TBX18: variants seen among roughly 807,000 people sequenced by gnomAD.
The protein encoded by TBX18 is T-box transcription factor 18, also known as T-box transcription factor TBX18.
In TBX18, 21 loss-of-function variants were observed where a neutral mutation model predicts 55.0. The observed-to-expected ratio is 0.38, with a 90% CI of 0.27 to 0.55. The LOEUF is 0.55. Among genes scored for constraint, TBX18 ranks in the 20% least tolerant of loss-of-function variants. The probability of loss-of-function intolerance (pLI) is 0.73; values close to 1 mark genes in which losing one functional copy is unlikely to be tolerated. For missense variants in TBX18, 840 were observed against 799.6 expected (o/e 1.05, Z -0.61); for synonymous variants, 342 against 326.1 (o/e 1.05, Z -0.53).
Position 84,756,821 on chromosome 6 carries a change from C to A in TBX18, c.648G>T (p.Ser216=), listed in dbSNP as rs769967225. 5 of 1,613,898 alleles carry A rather than the reference C, an allele frequency of 3.1e-6. No individual in the cohort carries two copies. The African/African-American group carries it at 6.7e-5, about 22-fold the overall frequency. The change falls in exon 4 of 8, where the codon TCG becomes TCT. Residue 216 remains serine, a synonymous_variant. Coordinates refer to ENST00000369663, the MANE Select transcript of TBX18 (RefSeq NM_001080508.3). ...SKWMVAGNAD[S]PVPPRVYIHP... ...GAATGTACACACGGGGTGGCACAGG[C>A]GAGTCAGCATTACCTGCCACCATCC...
Position 84,734,717 on chromosome 6 carries a change from G to A in TBX18, c.*1968C>T, listed in dbSNP as rs1773894146. 1 of 152,350 alleles carries A rather than the reference G, an allele frequency of 6.6e-6. No homozygotes were observed. The highest frequency in any genetic ancestry group is 2.1e-4 in the South Asian group (1 of 4,826). The allele number at this position is 152,350 out of a possible 1,614,324, so 9.4% of individuals were successfully genotyped here. The stretch of plus-strand genomic sequence containing the variant: ...GAAAATGCTCTTATTAATACATATG[G>A]GTATAGAGCATTACTTTCCATGTTT... On this transcript the variant is annotated 3_prime_UTR_variant, in exon 8 of 8. Coordinates refer to ENST00000369663, the MANE Select transcript of TBX18 (RefSeq NM_001080508.3).
intron 3 of TBX18, among the ~76,000 whole-genome samples, chr6:84,759,100 T>C (rs1244479638): frequency 6.6e-6 from 1 of 152,176 alleles, no homozygotes; most frequent in African/African-American, 2.4e-5. Flanking sequence ...TTAAATCAAG[T>C]ATATTTAAAA....
chr6:84,763,069 G>C (rs1385136962), intron 1 of TBX18: 1 of 458,026 alleles, frequency 2.2e-6, no homozygotes, highest in African/African-American at 2.0e-5. Flanking sequence ...TCACGCCGCC[G>C]CCGGGGTCTG....
chr6:84,756,312 C>T lies in TBX18; in HGVS notation c.771+386G>A, dbSNP rs1316709690. On this transcript the variant is annotated intron_variant, in intron 4 of 7. Transcript: ENST00000369663. ...AGACAATTACTGAGAAGCAATGAACCTCAGCTGACAAAGCTGGATGCAGGC... is the reference window on the plus strand; with the variant it reads ...AGACAATTACTGAGAAGCAATGAACTTCAGCTGACAAAGCTGGATGCAGGC... Among the ~76,000 whole-genome samples, 4 of 152,214 alleles carry T rather than the reference C, an allele frequency of 2.6e-5. No individual in the cohort carries two copies. The South Asian group carries it at 8.3e-4, about 31-fold the overall frequency.
intron 5 of TBX18, among the ~76,000 whole-genome samples, chr6:84,746,731 C>T (rs1767204862): frequency 1.3e-5 from 2 of 149,216 alleles, no homozygotes; most frequent in Admixed American, 1.4e-4. Flanking sequence ...TTCAGCAGCA[C>T]ATATACTAAA....
chr6:84,744,829 A>G (rs1767140976), intron 5 of TBX18, among the ~76,000 whole-genome samples: 1 of 152,050 alleles, frequency 6.6e-6, no homozygotes, highest in African/African-American at 2.4e-5. Context: ...ACATTCCTTT[A>G]ATTTTCTGTC....
At chr6:84,751,951 C>T in intron 4 of TBX18, among the ~76,000 whole-genome samples, 1 of 152,128 alleles carries the variant, frequency 6.6e-6, no homozygotes, top group East Asian at 1.9e-4. Context: ...ACCAGGAGAA[C>T]CACTGGTCGT....
At position 84,735,935 on chromosome 6, in the gene TBX18, A is replaced by G. The variant is rs985733032; in HGVS notation, c.*750T>C. On this transcript the variant is annotated 3_prime_UTR_variant, in exon 8 of 8. Transcript: ENST00000369663. Reference sequence around the variant, plus strand: ...CATTCTTTAATGGTCTATTTGATATATAAAATAAGCAAAAAATCGAAAATA... The same window carrying G: ...CATTCTTTAATGGTCTATTTGATATGTAAAATAAGCAAAAAATCGAAAATA... 1 of 152,142 alleles carries G rather than the reference A, an allele frequency of 6.6e-6. No individual in the cohort carries two copies. Among genetic ancestry groups the G allele is most frequent in the South Asian group, 2.1e-4 (1 of 4,834 alleles). 9.4% of individuals were successfully genotyped at this position (152,142 alleles called of 1,614,324 possible).
At chr6:84,745,532 T>C (rs757615473) in intron 5 of TBX18, among the ~76,000 whole-genome samples, 1 of 152,126 alleles carries the variant, frequency 6.6e-6, no homozygotes, top group Non-Finnish European at 1.5e-5. Flanking sequence ...GACATATGTG[T>C]TCCATATGAT....
At chr6:84,746,145 T>A (rs12526645) in intron 5 of TBX18, among the ~76,000 whole-genome samples, 37,261 of 151,970 alleles carry the variant, frequency 0.25, 5,320 homozygotes, top group Middle Eastern at 0.35. Context: ...TCACAACATG[T>A]ACCAAAAGCT....
In TBX18 at chr6:84,762,433, T is replaced by G. The variant is rs996727128; in HGVS notation, c.497+111A>C. 4.6e-6 allele frequency: 6 copies of G among 1,308,958 alleles called. No homozygotes were observed. In the African/African-American group the frequency reaches 8.7e-5, roughly 19 times the overall value. 81.1% of individuals were successfully genotyped at this position (1,308,958 alleles called of 1,614,324 possible). ...GGGCCTGGTCCCGTTTGACCGAAAA[T>G]GCTATCCAGAACCCCCACCGAGCTG... On this transcript the variant is annotated intron_variant, in intron 2 of 7. Coordinates refer to ENST00000369663, the MANE Select transcript of TBX18 (RefSeq NM_001080508.3).
rs567112656 is a variant in TBX18 at position 84,735,735 on chromosome 6, C to G, written c.*950G>C. The stretch of plus-strand genomic sequence containing the variant: ...GGAAAAAATATTCTAAATTTAAAAA[C>G]AAACTATACAAAAACATAAGGTATA... On this transcript the variant is annotated 3_prime_UTR_variant, in exon 8 of 8. Coordinates refer to ENST00000369663, the MANE Select transcript of TBX18 (RefSeq NM_001080508.3). The G allele has an allele frequency of 6.6e-6, 1 of 152,220 alleles. No individual in the cohort carries two copies. The highest frequency in any genetic ancestry group is 2.1e-4 in the South Asian group (1 of 4,812). 9.4% of individuals were successfully genotyped at this position (152,220 alleles called of 1,614,324 possible).
chr6:84,736,419 A>ACAC lies in TBX18; in HGVS notation c.*263_*265dup, dbSNP rs1773943682. On this transcript the variant is annotated 3_prime_UTR_variant, in exon 8 of 8. Transcript: ENST00000369663. Reference sequence around the variant, plus strand: ...TCTGAGAACTTTGCTTAAACATACTACACGCATGCCAATACTCCGTGCAAC... The same window carrying ACAC: ...TCTGAGAACTTTGCTTAAACATACTACACCACGCATGCCAATACTCCGTGCAAC... 1 of 284,004 alleles carries ACAC rather than the reference A, an allele frequency of 3.5e-6. No homozygotes were observed. The highest frequency in any genetic ancestry group is 6.4e-6 in the Non-Finnish European group (1 of 156,196). The allele number at this position is 284,004 out of a possible 1,614,324, so 17.6% of individuals were successfully genotyped here. A position where few individuals can be genotyped will look rare whatever the true frequency, so the allele number is the denominator to read the frequency against.
intron 4 of TBX18, among the ~76,000 whole-genome samples, chr6:84,749,662 G>A (rs552009194): frequency 2.0e-5 from 3 of 151,948 alleles, no homozygotes; most frequent in Non-Finnish European, 4.4e-5. Context: ...GCAATCTCAG[G>A]AAAATTCTCT....
rs535362046 is a variant in TBX18 at position 84,737,131 on chromosome 6, C to A, written c.1378G>T (p.Val460Leu). The change falls in exon 8 of 8, where the codon GTG becomes TTG. Residue 460 changes from valine (V) to leucine (L), a missense_variant. Val to Leu is a conservative substitution (Grantham distance 32). Transcript: ENST00000369663. ...APPRTPSYVG[V>L]SSSTSVNMSM... ...ATGTTCACGGAGGTGCTGCTGCTCA[C>A]GCCCACATAGGAGGGAGTCCTGGGC... The A allele has an allele frequency of 6.2e-7, 1 of 1,614,086 alleles. No individual in the cohort carries two copies. The highest frequency in any genetic ancestry group is 8.5e-7 in the Non-Finnish European group (1 of 1,180,038).
At chr6:84,759,689 AC>A (rs201352297) in intron 3 of TBX18, among the ~76,000 whole-genome samples, 5 of 152,054 alleles carry the variant, frequency 3.3e-5, no homozygotes, top group Admixed American at 6.5e-5. Flanking sequence ...TACCAAAAAA[AC>A]AACAGAAAGG....
In TBX18 at chr6:84,736,814, A is replaced by G; in HGVS notation, c.1695T>C (p.Asp565=). The G allele has an allele frequency of 6.2e-7, 1 of 1,614,148 alleles. No homozygotes were observed. Among genetic ancestry groups the G allele is most frequent in the Non-Finnish European group, 8.5e-7 (1 of 1,180,018 alleles). Residue 565 remains aspartate, a synonymous_variant, in exon 8 of 8, where the codon GAT becomes GAC. Transcript: ENST00000369663. ...LGSSPSGTMT[D]RQMLPPVEGV... Reference sequence around the variant, plus strand: ...CTTCCACAGGGGGCAACATCTGCCGATCCGTCATGGTCCCACTCGGTGAGG... The same window carrying G: ...CTTCCACAGGGGGCAACATCTGCCGGTCCGTCATGGTCCCACTCGGTGAGG...
chr6:84,736,708 G>A lies in TBX18; in HGVS notation c.1801C>T (p.Gln601Ter), dbSNP rs1475088757. ...CATCAGACCATATGTGCAGATACTT[G>A]AGATGATGACAGAGTTAAGCTTCCT... ...TLGSLTLSSS[Q>*]VSAHMV The change falls in exon 8 of 8, where the codon CAA becomes TAA. Residue 601 changes from glutamine (Q) to a stop codon, truncating the protein, a stop_gained. Transcript: ENST00000369663. LOFTEE classifies it high-confidence loss of function. 2 of 1,582,102 alleles carry A rather than the reference G, an allele frequency of 1.3e-6. No individual in the cohort carries two copies. The highest frequency in any genetic ancestry group is 1.7e-6 in the Non-Finnish European group (2 of 1,167,528).
intron 3 of TBX18, among the ~76,000 whole-genome samples, chr6:84,758,262 G>A (rs1399979776): frequency 6.6e-6 from 1 of 151,902 alleles, no homozygotes; most frequent in East Asian, 1.9e-4. Context: ...CAAAAAGTTA[G>A]CTGGGTGTGG....
Sources: gnomAD v4.1 joint callset for allele counts (sites outside exome capture counted in the v4.1 genomes callset) on GRCh38, gnomAD v4.1.1 for gene constraint, MANE v1.5 for transcripts, NCBI Gene and HGNC (gene_info 2026-07-23, HGNC 2026-07-21) for gene names.